Variants in KMT2A observed in about 807,000 individuals in gnomAD.
KMT2A encodes lysine methyltransferase 2A, also known as histone-lysine N-methyltransferase 2A.
In KMT2A, 16 loss-of-function variants were observed where a neutral mutation model predicts 345.3. That is an observed-to-expected ratio of 0.05 (90% CI 0.03 to 0.07). The LOEUF is 0.07. KMT2A is among the 10% of genes least tolerant of loss of function. The pLI is 1.00. For synonymous variants in KMT2A, 1,599 were observed against 1,778.6 expected (o/e 0.90, Z 2.54); for missense variants, 3,272 against 4,841.6 (o/e 0.68, Z 9.62).
chr11:118,459,417 T>C (rs928813323), intron 1 of KMT2A, among the ~76,000 whole-genome samples: 3 of 152,088 alleles, frequency 2.0e-5, no homozygotes, highest in Admixed American at 1.3e-4. Flanking sequence ...TGCTAAGATA[T>C]AGCTGCTAAA....
At chr11:118,445,679 T>G (rs1949403211) in intron 1 of KMT2A, among the ~76,000 whole-genome samples, 1 of 152,172 alleles carries the variant, frequency 6.6e-6, no homozygotes. Flanking sequence ...TAAGAATAAC[T>G]AGTAAAGAGT....
intron 31 of KMT2A, 57 bp downstream of exon 31, chr11:118,512,082 G>A (rs998282811): frequency 2.4e-5 from 35 of 1,488,358 alleles, no homozygotes; most frequent in Non-Finnish European, 2.9e-5. Flanking sequence ...TAAATTGTTC[G>A]CCTAAGGCAG....
intron 3 of KMT2A, among the ~76,000 whole-genome samples, chr11:118,475,836 C>T (rs1007053262): frequency 1.3e-5 from 2 of 152,118 alleles, no homozygotes; most frequent in Admixed American, 6.5e-5. Context: ...TTTTTAACAC[C>T]ATGTTGGATG....
intron 7 of KMT2A, 51 bp from the exon 8 acceptor site, chr11:118,482,371 C>G (rs1321269470): frequency 3.3e-6 from 4 of 1,211,710 alleles, no homozygotes; most frequent in Non-Finnish European, 3.6e-6. Context: ...TCAGTCAGTA[C>G]TAAAGTAGTC....
In KMT2A at chr11:118,502,868, G is replaced by A. The variant is rs1950522476; in HGVS notation, c.6976G>A (p.Val2326Met). 1 of 1,614,180 alleles carries A rather than the reference G, an allele frequency of 6.2e-7. No individual in the cohort carries two copies. Among genetic ancestry groups the A allele is most frequent in the Non-Finnish European group, 8.5e-7 (1 of 1,180,030 alleles). ...GAGCTCAGAGGGATCTGCACATAAT[G>A]TGGCTTACCCTGGAATTCCTAAACT... ...SKSSEGSAHN[V>M]AYPGIPKLAP... Residue 2326 changes from valine to methionine, a missense_variant, in exon 27 of 36, where the codon GTG becomes ATG. Physicochemically the swap from Val to Met is conservative, Grantham distance 21 (BLOSUM62 1). Coordinates refer to ENST00000534358, the MANE Select transcript of KMT2A (RefSeq NM_001197104.2). This position sits in a 1 kb window ranked among gnomAD's most constrained non-coding sequence, Gnocchi z 4.9.
At chr11:118,511,630 A>G (rs1454842249) in intron 30 of KMT2A, among the ~76,000 whole-genome samples, 1 of 152,208 alleles carries the variant, frequency 6.6e-6, no homozygotes, top group Non-Finnish European at 1.5e-5. Context: ...TAAAAATACC[A>G]AACATTCAGG....
intron 11 of KMT2A, among the ~76,000 whole-genome samples, chr11:118,489,544 A>G (rs1555041912): frequency 1.3e-5 from 2 of 152,232 alleles, no homozygotes; most frequent in African/African-American, 4.8e-5. Flanking sequence ...AGCAGAAAAC[A>G]TGATGTTGAA....
chr11:118,459,291 C>A (rs541395734), intron 1 of KMT2A, among the ~76,000 whole-genome samples: 1 of 152,280 alleles, frequency 6.6e-6, no homozygotes, highest in South Asian at 2.1e-4. Context: ...TGATCTTGAA[C>A]TCTGGCCTCA....
At chr11:118,441,135 A>G (rs1399248115) in intron 1 of KMT2A, among the ~76,000 whole-genome samples, 1 of 151,946 alleles carries the variant, frequency 6.6e-6, no homozygotes, top group African/African-American at 2.4e-5. Flanking sequence ...TTCTGAGTTT[A>G]TTTCAAAAGT....
rs782049484 is a variant in KMT2A, at chr11:118,491,745, T to C, written c.4821T>C (p.Asp1607=). 1.3e-6 allele frequency: 2 copies of C among 1,590,866 alleles called. No individual in the cohort carries two copies. The highest frequency in any genetic ancestry group is 1.1e-5 in the South Asian group (1 of 87,748). The part of the protein sequence containing the change: ...SKCENLSGTE[D]EMYEILSNLP... ...CATGGTAGGTTTTTGTTTTCTTAGA[T>C]GAGATGTATGAGATTCTATCTAATC... Residue 1607 remains aspartate (D), a splice_region_variant and synonymous_variant, in exon 15 of 36, where the codon GAT becomes GAC. Transcript: ENST00000534358. This position sits in a 1 kb window ranked among gnomAD's most constrained non-coding sequence, Gnocchi z 4.2.
chr11:118,471,192 T>C (rs1949936481), intron 2 of KMT2A, among the ~76,000 whole-genome samples: 2 of 152,194 alleles, frequency 1.3e-5, no homozygotes, highest in South Asian at 4.1e-4. Flanking sequence ...ATGTTGATGA[T>C]TGAAGAGCAG....
At chr11:118,507,644 C>T (rs1555048941) in intron 28 of KMT2A, 35 bp downstream of exon 28, 1 of 1,546,506 alleles carries the variant, frequency 6.5e-7, no homozygotes, top group Admixed American at 1.7e-5. Context: ...AGACTAAGCT[C>T]TCAGTTTTGT....
intron 1 of KMT2A, among the ~76,000 whole-genome samples, chr11:118,437,877 A>C (rs1036946796): frequency 2.0e-5 from 3 of 152,124 alleles, no homozygotes; most frequent in African/African-American, 7.2e-5. Flanking sequence ...CTTTCCCTCC[A>C]GCTCTGGGGA....
chr11:118,443,951 G>T (rs1489839893), intron 1 of KMT2A, among the ~76,000 whole-genome samples: 2 of 152,172 alleles, frequency 1.3e-5, no homozygotes, highest in Non-Finnish European at 2.9e-5. Context: ...AGCAACAAAA[G>T]ATATGAATCT....
At chr11:118,438,163 T>A (rs1555139247) in intron 1 of KMT2A, among the ~76,000 whole-genome samples, 1 of 151,684 alleles carries the variant, frequency 6.6e-6, no homozygotes, top group East Asian at 1.9e-4. Flanking sequence ...TGCTTTGGGA[T>A]GGGAGAAAAA....
In KMT2A at chr11:118,491,696, C is replaced by A; in HGVS notation, c.4820-48C>A. On this transcript the variant is annotated intron_variant, in intron 14 of 35. Transcript: ENST00000534358. The surrounding 1 kb of genome is among the most constrained non-coding windows in gnomAD (Gnocchi z 4.2). The stretch of plus-strand genomic sequence containing the variant: ...TGGAATAGTTTCCTCTTCTTCCTCT[C>A]TCTCATTCTTCAGAGGACCTCATCA... The A allele has an allele frequency of 7.1e-7, 1 of 1,406,660 alleles. No individual in the cohort carries two copies. Among genetic ancestry groups the A allele is most frequent in the Non-Finnish European group, 9.8e-7 (1 of 1,023,288 alleles). The allele number at this position is 1,406,660 out of a possible 1,614,324, so 87.1% of individuals were successfully genotyped here.
intron 1 of KMT2A, among the ~76,000 whole-genome samples, chr11:118,454,772 C>T (rs1191171821): frequency 6.6e-6 from 1 of 152,068 alleles, no homozygotes. Context: ...TATTTATGAA[C>T]ACTGAAATTT....
At chr11:118,463,723 A>C (rs1210981360) in intron 1 of KMT2A, among the ~76,000 whole-genome samples, 2 of 152,170 alleles carry the variant, frequency 1.3e-5, no homozygotes, top group Non-Finnish European at 2.9e-5. Flanking sequence ...ATTTTCTTCA[A>C]ACACAACAAT....
chr11:118,495,580 T>A lies in KMT2A; in HGVS notation c.5364-120T>A. ...AGCAATTTTCAAACGCTGTGACTTGTTCTTATATTCTGTGAATGGCTCCTA... is the reference window on the plus strand; with the variant it reads ...AGCAATTTTCAAACGCTGTGACTTGATCTTATATTCTGTGAATGGCTCCTA... On this transcript the variant is annotated intron_variant, in intron 18 of 35. Transcript: ENST00000534358. This position sits in a 1 kb window ranked among gnomAD's most constrained non-coding sequence, Gnocchi z 4.1. The A allele has an allele frequency of 1.5e-6, 1 of 658,564 alleles. No homozygotes were observed. Among genetic ancestry groups the A allele is most frequent in the South Asian group, 3.1e-5 (1 of 32,394 alleles). 40.8% of individuals were successfully genotyped at this position (658,564 alleles called of 1,614,324 possible). A position where few individuals can be genotyped will look rare whatever the true frequency, so the allele number is the denominator to read the frequency against.
Sources: gnomAD v4.1 joint callset for allele counts (sites outside exome capture counted in the v4.1 genomes callset) on GRCh38, gnomAD v4.1.1 for gene constraint, Gnocchi (gnomAD v3.1) non-coding constraint, MANE v1.5 for transcripts, NCBI Gene and HGNC (gene_info 2026-07-23, HGNC 2026-07-21) for gene names.